The following LARS2 variants were observed in gnomAD, a reference collection of about 807,000 sequenced individuals.
LARS2 encodes leucyl-tRNA synthetase 2, mitochondrial, also known as leucine--tRNA ligase, mitochondrial.
In LARS2, 81 loss-of-function variants were observed where a neutral mutation model predicts 116.6. The ratio of observed to expected loss-of-function variants is 0.69; its 90% CI spans 0.58 to 0.84. LARS2 has a LOEUF of 0.84. LARS2 is among the 40% of genes least tolerant of loss of function. LARS2 has a pLI of 0.00. For missense variants in LARS2, 968 were observed against 1,114.5 expected (o/e 0.87, Z 1.87); for synonymous variants, 396 against 407.2 (o/e 0.97, Z 0.33).
intron 21 of LARS2, among the ~76,000 whole-genome samples, chr3:45,543,365 C>T (rs1417172241): frequency 6.6e-6 from 1 of 152,066 alleles, no homozygotes; most frequent in Non-Finnish European, 1.5e-5. Context: ...GGGCTGGTCT[C>T]AAGCTCCTGG....
intron 4 of LARS2, among the ~76,000 whole-genome samples, chr3:45,407,748 T>TA (rs34018655): frequency 0.12 from 17,917 of 152,196 alleles, 1,280 homozygotes; most frequent in Middle Eastern, 0.18. Context: ...ATATAAAATT[T>TA]TGTTTTGATG....
chr3:45,467,023 A>G (rs1414127701), intron 8 of LARS2, among the ~76,000 whole-genome samples: 1 of 152,210 alleles, frequency 6.6e-6, no homozygotes, highest in Non-Finnish European at 1.5e-5. Context: ...AAGGCAGCAC[A>G]TTAGCGATAG....
At chr3:45,405,499 A>G (rs1305904285) in intron 4 of LARS2, among the ~76,000 whole-genome samples, 1 of 152,236 alleles carries the variant, frequency 6.6e-6, no homozygotes, top group Non-Finnish European at 1.5e-5. Flanking sequence ...AGCCCAGAAT[A>G]ATGTTTCTCA....
At chr3:45,488,271 A>G (rs1184935642) in intron 11 of LARS2, among the ~76,000 whole-genome samples, 1 of 152,076 alleles carries the variant, frequency 6.6e-6, no homozygotes, top group African/African-American at 2.4e-5. Flanking sequence ...CTTTTCTACT[A>G]AAAATACAAA....
intron 12 of LARS2, among the ~76,000 whole-genome samples, chr3:45,489,115 G>C (rs1699867596): frequency 6.6e-6 from 1 of 152,102 alleles, no homozygotes; most frequent in Admixed American, 6.5e-5. Flanking sequence ...GACTGAAATT[G>C]TTTCTTTTTC....
At chr3:45,410,308 CT>C (rs35327145) in intron 4 of LARS2, among the ~76,000 whole-genome samples, 82,374 of 135,646 alleles carry the variant, frequency 0.61, 25,334 homozygotes, top group African/African-American at 0.83. Flanking sequence ...GCATTGGATT[CT>C]TTTTTTTTTT....
chr3:45,522,488 C>T (rs190812462), intron 19 of LARS2, among the ~76,000 whole-genome samples: 53 of 152,256 alleles, frequency 3.5e-4, no homozygotes, highest in African/African-American at 1.2e-3. Flanking sequence ...CCCAGCACTG[C>T]GGGAGGTCAA....
At chr3:45,546,614 G>C (rs532864662) in intron 21 of LARS2, among the ~76,000 whole-genome samples, 2 of 152,256 alleles carry the variant, frequency 1.3e-5, no homozygotes, top group Non-Finnish European at 2.9e-5. Context: ...TGAAAAATAA[G>C]AGCTAGTGAA....
At chr3:45,513,040 T>A in intron 15 of LARS2, 95 bp from the exon 16 acceptor site, 1 of 823,606 alleles carries the variant, frequency 1.2e-6, no homozygotes, top group South Asian at 1.4e-5. Flanking sequence ...GAGGGGCAGC[T>A]ACTTCTGCCC....
At chr3:45,414,010 G>A (rs1437123574) in intron 4 of LARS2, among the ~76,000 whole-genome samples, 1 of 152,112 alleles carries the variant, frequency 6.6e-6, no homozygotes, top group Non-Finnish European at 1.5e-5. Flanking sequence ...AGTCTTTCTG[G>A]GGATGCCATT....
intron 4 of LARS2, among the ~76,000 whole-genome samples, chr3:45,400,789 T>A (rs969956035): frequency 2.6e-5 from 4 of 152,204 alleles, no homozygotes; most frequent in Non-Finnish European, 5.9e-5. Context: ...CTATTTGATA[T>A]TTTCCATATT....
intron 20 of LARS2, among the ~76,000 whole-genome samples, chr3:45,525,326 TA>T (rs1369717235): frequency 1.4e-4 from 21 of 152,364 alleles, no homozygotes; most frequent in South Asian, 2.1e-4. Flanking sequence ...AAAGCCACTT[TA>T]AAATTAAACT....
At chr3:45,493,760 G>A (rs186782135) in intron 13 of LARS2, among the ~76,000 whole-genome samples, 12 of 151,994 alleles carry the variant, frequency 7.9e-5, no homozygotes, top group South Asian at 4.2e-4. Context: ...TGCTTGCCAC[G>A]TAGCTTCTTC....
rs200047398 is a variant in LARS2, at chr3:45,507,235, AT to A, written c.1761-5896del. On this transcript the variant is annotated intron_variant, in intron 15 of 21. Transcript: ENST00000645846. ...AACACAGCAAGACCCCATTTCTATG[AT>A]TTTAAAAAAAAAAATTTCCCTCACT... Among the ~76,000 whole-genome samples, 309 of 150,040 alleles carry A rather than the reference AT, an allele frequency of 2.1e-3. 9 individuals are homozygous for A. Among genetic ancestry groups the A allele is most frequent in the South Asian group, 0.016 (74 of 4,754 alleles).
Position 45,452,032 on chromosome 3 carries a change from G to A in LARS2, c.606+5052G>A, listed in dbSNP as rs1418424220. ...GAAATGCTGCTGATTTCTGTGTGTT[G>A]ATTTTGTATCCTGCAACTTTACTAA... On this transcript the variant is annotated intron_variant, in intron 7 of 21. Coordinates refer to ENST00000645846, the MANE Select transcript of LARS2 (RefSeq NM_015340.4). Among the ~76,000 whole-genome samples the A allele has an allele frequency of 2.6e-5, 4 of 152,058 alleles. No homozygotes were observed. In the East Asian group the frequency reaches 7.7e-4, roughly 29 times the overall value.
intron 8 of LARS2, among the ~76,000 whole-genome samples, chr3:45,464,416 T>C (rs1699389267): frequency 6.6e-6 from 1 of 152,212 alleles, no homozygotes; most frequent in Non-Finnish European, 1.5e-5. Flanking sequence ...AGCATTTGGC[T>C]GCCCTCTAGA....
intron 20 of LARS2, among the ~76,000 whole-genome samples, chr3:45,527,458 A>G (rs1700548013): frequency 6.6e-6 from 1 of 152,180 alleles, no homozygotes; most frequent in African/African-American, 2.4e-5. Context: ...CCCCGTCTCT[A>G]CTAAATATAC....
intron 6 of LARS2, among the ~76,000 whole-genome samples, chr3:45,423,284 A>G (rs1171208491): frequency 6.6e-6 from 1 of 151,960 alleles, no homozygotes. Context: ...GTATATCCTG[A>G]GATGTTAGTC....
intron 15 of LARS2, among the ~76,000 whole-genome samples, chr3:45,510,512 G>A (rs1322898843): frequency 6.7e-6 from 1 of 149,734 alleles, no homozygotes; most frequent in African/African-American, 2.4e-5. Context: ...ACAATTACAG[G>A]CACTACACAG....
Sources: gnomAD v4.1 joint callset for allele counts (sites outside exome capture counted in the v4.1 genomes callset) on GRCh38, gnomAD v4.1.1 for gene constraint, MANE v1.5 for transcripts, NCBI Gene and HGNC (gene_info 2026-07-23, HGNC 2026-07-21) for gene names.